The following SAMD5 variants were observed in gnomAD, a reference collection of about 807,000 sequenced individuals.
SAMD5 encodes sterile alpha motif domain containing 5, also known as sterile alpha motif domain-containing protein 5.
A neutral mutation model predicts 11.3 loss-of-function variants in SAMD5; 13 were observed. The ratio of observed to expected loss-of-function variants is 1.15; its 90% CI spans 0.75 to 1.83. The LOEUF (loss-of-function observed/expected upper bound fraction) is 1.83. Among genes scored for constraint, SAMD5 ranks in the 40% most tolerant of loss-of-function variants. The pLI is 0.00. For missense variants in SAMD5, 255 were observed against 239.1 expected (o/e 1.07, Z -0.44); for synonymous variants, 129 against 111.3 (o/e 1.16, Z -1.00).
the SAMD5 span, among the ~76,000 whole-genome samples, chr6:147,789,037 T>A: frequency 2.0e-5 from 3 of 149,362 alleles, no homozygotes; most frequent in Non-Finnish European, 4.4e-5. Context: ...TGAGCCCAGA[T>A]CACGCCACTG....
At chr6:147,913,352 T>C in the SAMD5 span, among the ~76,000 whole-genome samples, 1 of 152,130 alleles carries the variant, frequency 6.6e-6, no homozygotes, top group Non-Finnish European at 1.5e-5. Flanking sequence ...CAATTTTAAA[T>C]GTATTATAGG....
intron 1 of SAMD5, among the ~76,000 whole-genome samples, chr6:147,533,019 C>T (rs756248693): frequency 3.3e-5 from 5 of 151,992 alleles, no homozygotes; most frequent in Non-Finnish European, 5.9e-5. Context: ...GTTTTACCTC[C>T]TGTGTTGTCC....
intron 1 of SAMD5, among the ~76,000 whole-genome samples, chr6:147,689,838 G>C (rs1224132911): frequency 6.6e-6 from 1 of 152,204 alleles, no homozygotes; most frequent in Non-Finnish European, 1.5e-5. Context: ...GGTGATGCTT[G>C]TGAAATTGAA....
the SAMD5 span, among the ~76,000 whole-genome samples, chr6:147,789,267 G>A: frequency 7.3e-6 from 1 of 137,700 alleles, no homozygotes; most frequent in Non-Finnish European, 1.6e-5. Context: ...ATAAGACCCA[G>A]TCTCTAGAAA....
At position 147,677,206 on chromosome 6, in the gene SAMD5, T is replaced by TG. The variant is rs2128456023; in HGVS notation, c.163-60109dup. On this transcript the variant is annotated intron_variant, in intron 1 of 1. Transcript: ENST00000566741. ...TCTGCAAACCCGGACCTCTCTGTAT[T>TG]GGACAAGGCTAGGGAATGACTTTGA... Among the ~76,000 whole-genome samples the TG allele has an allele frequency of 1.3e-5, 2 of 152,258 alleles. 1 individual carries two copies. The highest frequency in any genetic ancestry group is 4.2e-4 in the South Asian group (2 of 4,816).
At chr6:147,930,069 A>G in the SAMD5 span, among the ~76,000 whole-genome samples, 120 of 152,258 alleles carry the variant, frequency 7.9e-4, no homozygotes, top group African/African-American at 2.8e-3. Context: ...GTCTCCTATC[A>G]TATACCCTAG....
At chr6:147,548,015 A>T (rs919919624) in intron 1 of SAMD5, among the ~76,000 whole-genome samples, 36 of 152,372 alleles carry the variant, frequency 2.4e-4, no homozygotes, top group Non-Finnish European at 2.2e-4. Flanking sequence ...GAGCAACTTA[A>T]TTTAGGTAAT....
At chr6:147,681,963 T>C (rs1329581579) in intron 1 of SAMD5, among the ~76,000 whole-genome samples, 2 of 152,180 alleles carry the variant, frequency 1.3e-5, no homozygotes, top group African/African-American at 4.8e-5. Flanking sequence ...TGCTGGGTAG[T>C]TGGGTTAGTA....
intron 1 of SAMD5, among the ~76,000 whole-genome samples, chr6:147,675,644 T>G (rs576815011): frequency 3.2e-4 from 49 of 152,350 alleles, no homozygotes; most frequent in African/African-American, 1.1e-3. Context: ...ATGGTATATG[T>G]CATTAAGGCC....
intron 1 of SAMD5, among the ~76,000 whole-genome samples, chr6:147,564,078 A>AT (rs1788996304): frequency 6.6e-6 from 1 of 151,002 alleles, no homozygotes; most frequent in Admixed American, 6.6e-5. Flanking sequence ...AATGCAAACT[A>AT]TTACAAGGTA....
intron 1 of SAMD5, among the ~76,000 whole-genome samples, chr6:147,644,160 A>G (rs766488391): frequency 1.3e-4 from 20 of 152,188 alleles, no homozygotes; most frequent in Non-Finnish European, 1.9e-4. Context: ...CACCAAGCCT[A>G]GAAGTGTCTG....
chr6:147,709,558 A>C (rs533471766), intron 1 of SAMD5, among the ~76,000 whole-genome samples: 2 of 152,314 alleles, frequency 1.3e-5, no homozygotes, highest in African/African-American at 4.8e-5. Context: ...GAAAGAAGAC[A>C]TTGGTCACCA....
intron 1 of SAMD5, among the ~76,000 whole-genome samples, chr6:147,678,370 A>G (rs1016654009): frequency 6.6e-5 from 10 of 152,216 alleles, no homozygotes; most frequent in African/African-American, 2.4e-4. Context: ...TGTAAAATGT[A>G]TTGAATTTGA....
At chr6:147,702,839 C>G (rs62436347) in intron 1 of SAMD5, among the ~76,000 whole-genome samples, 14 of 117,558 alleles carry the variant, frequency 1.2e-4, no homozygotes, top group African/African-American at 3.4e-4. Context: ...GTGTGTGTGT[C>G]TGTCTGTCTG....
the SAMD5 span, among the ~76,000 whole-genome samples, chr6:147,896,755 A>ACAC: frequency 2.1e-5 from 3 of 142,420 alleles, no homozygotes; most frequent in Admixed American, 7.1e-5. Context: ...AAAAAAAAAA[A>ACAC]AAAAAAAACG....
chr6:147,680,541 T>G (rs1790926728), intron 1 of SAMD5, among the ~76,000 whole-genome samples: 2 of 152,108 alleles, frequency 1.3e-5, no homozygotes, highest in African/African-American at 4.8e-5. Flanking sequence ...AGAACCTCCA[T>G]TACTATGTTT....
At chr6:147,783,087 T>C in the SAMD5 span, among the ~76,000 whole-genome samples, 2 of 152,324 alleles carry the variant, frequency 1.3e-5, no homozygotes, top group Admixed American at 6.5e-5. Context: ...TTATAAATAA[T>C]ACAAATCTTC....
chr6:147,832,334 T>C, the SAMD5 span, among the ~76,000 whole-genome samples: 1 of 152,214 alleles, frequency 6.6e-6, no homozygotes, highest in African/African-American at 2.4e-5. Context: ...TAAACTGATA[T>C]TTGTTTCCTT....
In SAMD5 at chr6:147,701,506, C is replaced by T. The variant is rs144934060; in HGVS notation, c.163-35811C>T. Among the ~76,000 whole-genome samples the T allele has an allele frequency of 2.0e-3, 309 of 152,016 alleles. 1 individual carries two copies. The highest frequency in any genetic ancestry group is 7.2e-3 in the African/African-American group (297 of 41,478). On this transcript the variant is annotated intron_variant, in intron 1 of 1. Coordinates refer to the SAMD5 transcript ENST00000566741. ...AAAATTAGCCAGGCGTGGTGACACG[C>T]GCCTGTAATCCCTGCTACTCAGGAG...
Sources: allele counts gnomAD v4.1 joint callset (sites outside exome capture counted in the v4.1 genomes callset), GRCh38; gene constraint gnomAD v4.1.1; transcripts MANE v1.5; gene names NCBI Gene and HGNC (gene_info 2026-07-23, HGNC 2026-07-21).